CEP85: variants seen among roughly 807,000 people sequenced by gnomAD.
CEP85 encodes centrosomal protein 85.
Under a neutral mutation model 93.7 loss-of-function variants are expected in CEP85, and 58 were observed. The observed-to-expected ratio is 0.62, with a 90% CI of 0.50 to 0.77. CEP85 has a LOEUF of 0.77. Ranked by LOEUF, CEP85 falls within the 30% of genes least tolerant of loss-of-function variation. The pLI is 0.00. For missense variants in CEP85, 868 were observed against 922.0 expected (o/e 0.94, Z 0.76); for synonymous variants, 314 against 338.6 (o/e 0.93, Z 0.80).
rs1486956276 is a variant in CEP85, at chr1:26,255,521, AC to A, written c.562del (p.Leu188SerfsTer6). On this transcript the variant is annotated frameshift_variant, in exon 4 of 14. Coordinates refer to ENST00000451429, the MANE Select transcript of CEP85 (RefSeq NM_001319944.2). LOFTEE classifies it high-confidence loss of function. ...GTTTGATATTCCTAGCATGGAATCT[AC>A]CCTCAATCAGTCGGCAATGATGGAG... Reference protein sequence around the residue: ...RKFDIPSMESTLNQSAMMETL... With the variant: ...RKFDIPSMESXLNQSAMMETL... The A allele has an allele frequency of 6.8e-6, 11 of 1,613,966 alleles. No homozygotes were observed. The highest frequency in any genetic ancestry group is 8.5e-6 in the Non-Finnish European group (10 of 1,180,010).
At chr1:26,234,816 C>T (rs377389663) in intron 1 of CEP85, among the ~76,000 whole-genome samples, 4 of 152,296 alleles carry the variant, frequency 2.6e-5, no homozygotes, top group African/African-American at 7.2e-5. Flanking sequence ...ACGGAAAGCA[C>T]TTGGCGGGGC....
At chr1:26,256,807 C>G (rs975781701) in intron 4 of CEP85, among the ~76,000 whole-genome samples, 2 of 151,616 alleles carry the variant, frequency 1.3e-5, no homozygotes, top group Non-Finnish European at 2.9e-5. Flanking sequence ...CCATGCTGGC[C>G]CGCCTAGTCT....
chr1:26,251,971 C>T (rs902614961), intron 3 of CEP85, among the ~76,000 whole-genome samples: 1 of 152,036 alleles, frequency 6.6e-6, no homozygotes. Context: ...GGTGGCTCAT[C>T]CCTGTAATCC....
rs144099162 is a variant in CEP85, at chr1:26,271,885, A to C, written c.1744-136A>C. On this transcript the variant is annotated intron_variant, in intron 10 of 13. Transcript: ENST00000451429. ...GTCTGGTTTATATTCCTATAGGTAG[A>C]GTTCACTAATCTTTATCCTGGTCTT... 9.5e-4 allele frequency: 676 copies of C among 708,828 alleles called. 3 individuals carry two copies. In the African/African-American group the frequency reaches 0.011, roughly 11 times the overall value. The allele number at this position is 708,828 out of a possible 1,614,324, so 43.9% of individuals were successfully genotyped here.
At chr1:26,258,770 T>C (rs986252857) in intron 6 of CEP85, among the ~76,000 whole-genome samples, 1 of 152,172 alleles carries the variant, frequency 6.6e-6, no homozygotes, top group Non-Finnish European at 1.5e-5. Flanking sequence ...CTAATTTTTA[T>C]ATTTTTAGTA....
At chr1:26,264,982 T>TC (rs2089871564) in intron 7 of CEP85, among the ~76,000 whole-genome samples, 2 of 98,228 alleles carry the variant, frequency 2.0e-5, no homozygotes, top group African/African-American at 9.3e-5. Context: ...ACACCCGGCT[T>TC]TTTTTTTTTT....
At chr1:26,265,550 A>G (rs549404060) in intron 7 of CEP85, among the ~76,000 whole-genome samples, 1 of 152,340 alleles carries the variant, frequency 6.6e-6, no homozygotes, top group Admixed American at 6.5e-5. Flanking sequence ...GGGGAAGCCC[A>G]GGGTGAGGCT....
chr1:26,277,449 G>A lies in CEP85; in HGVS notation c.*156G>A. The A allele has an allele frequency of 1.6e-6, 1 of 641,162 alleles. No homozygotes were observed. The highest frequency in any genetic ancestry group is 2.7e-6 in the Non-Finnish European group (1 of 363,974). The allele number at this position is 641,162 out of a possible 1,614,324, so 39.7% of individuals were successfully genotyped here. On this transcript the variant is annotated 3_prime_UTR_variant, in exon 14 of 14. Transcript: ENST00000451429. Reference sequence around the variant, plus strand: ...GGGGCCAAGGGCTGATTAGGGAACTGTGTCCTACCCACACTGGCATGTTGG... The same window carrying A: ...GGGGCCAAGGGCTGATTAGGGAACTATGTCCTACCCACACTGGCATGTTGG...
chr1:26,249,976 G>T (rs1408989304), intron 3 of CEP85, among the ~76,000 whole-genome samples: 1 of 152,092 alleles, frequency 6.6e-6, no homozygotes, highest in Non-Finnish European at 1.5e-5. Flanking sequence ...ACTCGGTGGG[G>T]CTCAAGTAAT....
chr1:26,275,900 A>G (rs1158498609), intron 12 of CEP85, among the ~76,000 whole-genome samples: 2 of 152,224 alleles, frequency 1.3e-5, no homozygotes, highest in Admixed American at 1.3e-4. Context: ...AAGAGAGGGA[A>G]ACAGACAGAC....
chr1:26,255,230 C>G lies in CEP85; in HGVS notation c.268C>G (p.Pro90Ala). The G allele has an allele frequency of 6.2e-7, 1 of 1,614,192 alleles. No individual in the cohort carries two copies. The change falls in exon 4 of 14, where the codon CCA becomes GCA. Residue 90 changes from proline to alanine, a missense_variant. Transcript: ENST00000451429. ...GCCCATCAAAAGCCACGTAACCATT[C>G]CAACAGCCCATGTGATGCCTTCTAC... ...FQPIKSHVTI[P>A]TAHVMPSTLG...
chr1:26,253,070 T>C (rs72888556), intron 3 of CEP85, among the ~76,000 whole-genome samples: 27,116 of 152,136 alleles, frequency 0.18, 3,118 homozygotes, highest in African/African-American at 0.32. Flanking sequence ...AGTGACACAA[T>C]TGACATCTTT....
chr1:26,246,729 T>TA (rs1273363071), intron 3 of CEP85, among the ~76,000 whole-genome samples: 1,107 of 98,414 alleles, frequency 0.011, 9 homozygotes, highest in African/African-American at 0.037. Flanking sequence ...ACTCCGTCTT[T>TA]AAAAAAAAAA....
At chr1:26,248,916 C>T (rs1348253322) in intron 3 of CEP85, among the ~76,000 whole-genome samples, 2 of 151,536 alleles carry the variant, frequency 1.3e-5, no homozygotes, top group African/African-American at 2.4e-5. Context: ...TTAGTAGAGA[C>T]GGGGTTTCAC....
intron 2 of CEP85, among the ~76,000 whole-genome samples, chr1:26,241,653 T>A (rs749748224): frequency 4.6e-5 from 7 of 152,230 alleles, no homozygotes; most frequent in Non-Finnish European, 1.0e-4. Context: ...ATGCCTTTCC[T>A]ATGGCTTTTT....
At chr1:26,237,955 A>C (rs895489184) in intron 1 of CEP85, among the ~76,000 whole-genome samples, 2 of 152,086 alleles carry the variant, frequency 1.3e-5, no homozygotes, top group Non-Finnish European at 2.9e-5. Flanking sequence ...TAAAGCTTTT[A>C]TTACTGAACA....
chr1:26,277,631 C>T lies in CEP85; in HGVS notation c.*338C>T, dbSNP rs2090073285. 1 of 195,992 alleles carries T rather than the reference C, an allele frequency of 5.1e-6. No individual in the cohort carries two copies. Among genetic ancestry groups the T allele is most frequent in the Admixed American group, 5.3e-5 (1 of 18,774 alleles). The allele number at this position is 195,992 out of a possible 1,614,324, so 12.1% of individuals were successfully genotyped here. ...TCTTCTCCATCCAATGGGATGGATC[C>T]ATGTTCATTCCCACTTCACACCTTG... is the stretch of plus-strand genomic sequence containing the variant. On this transcript the variant is annotated 3_prime_UTR_variant, in exon 14 of 14. Coordinates refer to ENST00000451429, the MANE Select transcript of CEP85 (RefSeq NM_001319944.2).
intron 7 of CEP85, chr1:26,263,117 G>T: frequency 5.2e-6 from 1 of 191,612 alleles, no homozygotes; most frequent in East Asian, 1.2e-4. Flanking sequence ...TAGTTCCTGG[G>T]ATGTTTTACA....
chr1:26,259,095 TAGAATC>T (rs2089767105), intron 6 of CEP85, among the ~76,000 whole-genome samples: 1 of 152,208 alleles, frequency 6.6e-6, no homozygotes, highest in Non-Finnish European at 1.5e-5. Context: ...TCCTGTCTCA[TAGAATC>T]AGAATGTTAA....
Sources: gnomAD v4.1 joint callset for allele counts (sites outside exome capture counted in the v4.1 genomes callset) on GRCh38, gnomAD v4.1.1 for gene constraint, MANE v1.5 for transcripts, NCBI Gene and HGNC (gene_info 2026-07-23, HGNC 2026-07-21) for gene names.